NRXN3: variants seen among roughly 807,000 people sequenced by gnomAD.
The protein encoded by NRXN3 is neurexin 3, also known as neurexin III.
A neutral mutation model predicts 137.6 loss-of-function variants in NRXN3; 32 were observed. The observed-to-expected ratio is 0.23, with a 90% confidence interval of 0.18 to 0.31. The LOEUF (loss-of-function observed/expected upper bound fraction) is 0.31, where lower values mean the gene tolerates loss of function less well. Among genes scored for constraint, NRXN3 ranks in the 10% least tolerant of loss-of-function variants. NRXN3 has a pLI of 1.00. For missense variants in NRXN3, 1,574 were observed against 2,062.5 expected, an observed-to-expected ratio of 0.76 and a Z score of 4.59; for synonymous variants, 798 against 784.5, an observed-to-expected ratio of 1.02 and a Z score of -0.29.
At chr14:79,053,640 T>C (rs925088380) in intron 15 of NRXN3, among the ~76,000 whole-genome samples, 1 of 151,964 alleles carries the variant, frequency 6.6e-6, no homozygotes, top group African/African-American at 2.4e-5. Flanking sequence ...GTGTGTTGTG[T>C]GTGTGTGTAT....
At chr14:78,376,708 G>T (rs907666028) in intron 4 of NRXN3, among the ~76,000 whole-genome samples, 1 of 152,108 alleles carries the variant, frequency 6.6e-6, no homozygotes, top group Non-Finnish European at 1.5e-5. Context: ...GTTTTCTCTA[G>T]CCCCAAAACT....
chr14:79,717,185 T>C (rs746718676), intron 19 of NRXN3, among the ~76,000 whole-genome samples: 1 of 152,190 alleles, frequency 6.6e-6, no homozygotes, highest in Non-Finnish European at 1.5e-5. Context: ...GCATTTGAAC[T>C]GGCAAGGGGC....
At chr14:78,518,145 G>A (rs1043790613) in intron 4 of NRXN3, among the ~76,000 whole-genome samples, 2 of 152,122 alleles carry the variant, frequency 1.3e-5, no homozygotes, top group Non-Finnish European at 2.9e-5. Flanking sequence ...CAGTCTATTT[G>A]GGGAGTTAAG....
chr14:78,974,227 G>A (rs182230522), intron 14 of NRXN3, among the ~76,000 whole-genome samples: 8 of 152,166 alleles, frequency 5.3e-5, no homozygotes, highest in Admixed American at 2.0e-4. Flanking sequence ...AAATGGAAGA[G>A]AGAGAGAAGG....
intron 15 of NRXN3, among the ~76,000 whole-genome samples, chr14:79,326,196 G>A (rs749205330): frequency 6.6e-6 from 1 of 152,114 alleles, no homozygotes; most frequent in Non-Finnish European, 1.5e-5. Flanking sequence ...TTTCAGATGG[G>A]CAGTAGAGGC....
intron 11 of NRXN3, among the ~76,000 whole-genome samples, chr14:78,964,598 G>GT (rs1343582525): frequency 7.6e-5 from 11 of 145,208 alleles, no homozygotes; most frequent in African/African-American, 3.1e-4. Flanking sequence ...TGCTAATGGA[G>GT]TTTTTTCAAT....
intron 2 of NRXN3, among the ~76,000 whole-genome samples, chr14:78,255,803 C>T (rs1290405534): frequency 6.6e-6 from 1 of 152,168 alleles, no homozygotes; most frequent in Non-Finnish European, 1.5e-5. Flanking sequence ...TTTATATGTG[C>T]ACATATGTGT....
Position 78,370,668 on chromosome 14 carries a change from G to A in NRXN3, c.757+72808G>A, listed in dbSNP as rs372141595. Among the ~76,000 whole-genome samples, 6 of 152,210 alleles carry A rather than the reference G, an allele frequency of 3.9e-5. No individual in the cohort carries two copies. In the South Asian group the frequency reaches 6.2e-4, roughly 16 times the overall value. On this transcript the variant is annotated intron_variant, in intron 4 of 20. Coordinates refer to ENST00000335750, the MANE Select transcript of NRXN3 (RefSeq NM_001330195.2). ...ATTTTATACCACTCTAATACTTTGAGCAATGCCAATTATATTGTTATTGCC... is the reference window on the plus strand; with the variant it reads ...ATTTTATACCACTCTAATACTTTGAACAATGCCAATTATATTGTTATTGCC...
rs1566672735 is a variant in NRXN3 at position 79,285,821 on chromosome 14, C to T, written c.3263-181400C>T. On this transcript the variant is annotated intron_variant, in intron 15 of 20. Transcript: ENST00000335750. ...ATATGAATTTTGAAGAGACACAGTT[C>T]AGCCCCTAATGCTCTTTCTCCTCAC... 2.0e-5 allele frequency among the ~76,000 whole-genome samples: 3 copies of T among 152,264 alleles called. No homozygotes were observed. The East Asian group carries it at 5.8e-4, about 29-fold the overall frequency.
chr14:78,714,483 T>C (rs2098422782), intron 7 of NRXN3, among the ~76,000 whole-genome samples: 1 of 152,190 alleles, frequency 6.6e-6, no homozygotes, highest in Non-Finnish European at 1.5e-5. Flanking sequence ...CTGTATGGTC[T>C]CAGCCAAGAG....
chr14:78,674,662 A>G (rs7142896), intron 6 of NRXN3, among the ~76,000 whole-genome samples: 29,651 of 152,140 alleles, frequency 0.19, 3,019 homozygotes, highest in South Asian at 0.25. Context: ...ATTGTTCCCC[A>G]GAGTAAAAAC....
intron 16 of NRXN3, among the ~76,000 whole-genome samples, chr14:79,633,579 G>A (rs1308863414): frequency 7.2e-6 from 1 of 139,054 alleles, no homozygotes; most frequent in African/African-American, 2.9e-5. Context: ...TATCAAAGTA[G>A]CTGATGTTTC....
At chr14:78,583,780 G>T (rs2097029481) in intron 4 of NRXN3, among the ~76,000 whole-genome samples, 1 of 152,122 alleles carries the variant, frequency 6.6e-6, no homozygotes, top group Non-Finnish European at 1.5e-5. Context: ...TCCCCAGCTT[G>T]CCCTGCTTGT....
At chr14:78,874,508 C>T (rs2099109088) in intron 10 of NRXN3, among the ~76,000 whole-genome samples, 1 of 152,008 alleles carries the variant, frequency 6.6e-6, no homozygotes, top group South Asian at 2.1e-4. Context: ...CATTTGCTAC[C>T]CACCACTTCC....
At chr14:78,345,103 G>A (rs1463439518) in intron 4 of NRXN3, among the ~76,000 whole-genome samples, 3 of 152,302 alleles carry the variant, frequency 2.0e-5, no homozygotes, top group Middle Eastern at 3.4e-3. Flanking sequence ...ATGCACATGC[G>A]CATGTGTGTG....
chr14:78,233,443 T>C (rs1179781211), intron 1 of NRXN3, among the ~76,000 whole-genome samples: 1 of 152,200 alleles, frequency 6.6e-6, no homozygotes, highest in Non-Finnish European at 1.5e-5. Flanking sequence ...CTGAGTCATC[T>C]TGTTCCTCTG....
chr14:79,235,365 C>T (rs751060779), intron 15 of NRXN3, among the ~76,000 whole-genome samples: 1 of 152,130 alleles, frequency 6.6e-6, no homozygotes, highest in Non-Finnish European at 1.5e-5. Flanking sequence ...CCTCTCTGAT[C>T]CTGCCTGGAT....
chr14:78,493,445 C>T (rs549682706), intron 4 of NRXN3, among the ~76,000 whole-genome samples: 2 of 151,724 alleles, frequency 1.3e-5, no homozygotes, highest in East Asian at 3.9e-4. Flanking sequence ...ATCACTTGAA[C>T]CTGGGAGGCA....
At chr14:79,556,811 C>T (rs945217477) in intron 16 of NRXN3, among the ~76,000 whole-genome samples, 1 of 152,142 alleles carries the variant, frequency 6.6e-6, no homozygotes, top group African/African-American at 2.4e-5. Flanking sequence ...CTGGCTTGGC[C>T]TCCTAAAGTT....
Sources: allele counts gnomAD v4.1 joint callset (sites outside exome capture counted in the v4.1 genomes callset), GRCh38; gene constraint gnomAD v4.1.1; transcripts MANE v1.5; gene names NCBI Gene and HGNC (gene_info 2026-07-23, HGNC 2026-07-21).